The following DHX57 variants were observed in gnomAD, a reference collection of about 807,000 sequenced individuals.
The protein encoded by DHX57 is DExH-box helicase 57.
In DHX57, 105 loss-of-function variants were observed where a neutral mutation model predicts 156.2. The observed-to-expected ratio is 0.67, with a 90% CI of 0.57 to 0.79. The LOEUF (loss-of-function observed/expected upper bound fraction) is 0.79. Among genes scored for constraint, DHX57 ranks in the 30% least tolerant of loss-of-function variants. DHX57 has a pLI of 0.00. For synonymous variants in DHX57, 704 were observed against 595.6 expected (o/e 1.18, Z -2.65); for missense variants, 1,847 against 1,661.9 (o/e 1.11, Z -1.94).
intron 8 of DHX57, 158 bp from the exon 9 acceptor site, chr2:38,854,336 A>T (rs1483236521): frequency 1.6e-6 from 1 of 627,834 alleles, no homozygotes; most frequent in Non-Finnish European, 2.5e-6. Flanking sequence ...CTTGCCAGGG[A>T]CAGTAATAAA....
At chr2:38,826,720 C>A (rs774003927) in intron 14 of DHX57, 31 bp from the exon 15 acceptor site, 1 of 1,595,612 alleles carries the variant, frequency 6.3e-7, no homozygotes, top group African/African-American at 1.3e-5. Flanking sequence ...ATGAAGTATT[C>A]TAGCACCTAG....
At chr2:38,829,906 G>A (rs941803814) in intron 13 of DHX57, among the ~76,000 whole-genome samples, 9 of 152,166 alleles carry the variant, frequency 5.9e-5, no homozygotes, top group East Asian at 1.9e-4. Flanking sequence ...ATCATATCAT[G>A]TTAACAGTTT....
chr2:38,866,403 T>C (rs953224135), intron 2 of DHX57, among the ~76,000 whole-genome samples: 13 of 152,204 alleles, frequency 8.5e-5, no homozygotes, highest in Non-Finnish European at 7.3e-5. Context: ...ACTCAGAACT[T>C]CACAGCTTAT....
chr2:38,813,945 T>C (rs201931249), intron 20 of DHX57, 50 bp from the exon 21 acceptor site: 2 of 1,597,846 alleles, frequency 1.3e-6, no homozygotes, highest in Non-Finnish European at 1.7e-6. Context: ...CTATTTCTTT[T>C]TTTTCTTTTT....
At position 38,862,347 on chromosome 2, in the gene DHX57, C is replaced by T. The variant is rs1673279206; in HGVS notation, c.384-14G>A. The T allele has an allele frequency of 1.9e-6, 3 of 1,546,694 alleles. No homozygotes were observed. The African/African-American group carries it at 4.1e-5, about 21-fold the overall frequency. ...GAAAGGCCTCTTCTAGCAAAGGCAA[C>T]ATTTTCATATATTAGATATTACTTT... On this transcript the variant is annotated splice_polypyrimidine_tract_variant and intron_variant, in intron 3 of 23. Coordinates refer to ENST00000457308, the MANE Select transcript of DHX57 (RefSeq NM_198963.3).
rs187734925 is a variant in DHX57, at chr2:38,870,608, G to A, written c.-6-2197C>T. 7.9e-5 allele frequency among the ~76,000 whole-genome samples: 12 copies of A among 152,320 alleles called. No individual in the cohort carries two copies. In the East Asian group the frequency reaches 2.3e-3, roughly 29 times the overall value. On this transcript the variant is annotated intron_variant, in intron 1 of 23. Transcript: ENST00000457308. ...CAAAGAAAAAAATAGGGCTGGGCGT[G>A]GTGGCTCATGCCTGTAATTCCAGCA...
In DHX57 at chr2:38,854,074, A is replaced by G; in HGVS notation, c.2010T>C (p.Val670=). The G allele has an allele frequency of 6.2e-7, 1 of 1,613,220 alleles. No homozygotes were observed. Among genetic ancestry groups the G allele is most frequent in the Non-Finnish European group, 8.5e-7 (1 of 1,179,640 alleles). ...TTTACCTTTCTTCTGTCCTCTCATGAACTTCATCAACAATGATATGGGAAA... is the reference window on the plus strand; with the variant it reads ...TTTACCTTTCTTCTGTCCTCTCATGGACTTCATCAACAATGATATGGGAAA... ...QGVSHIIVDE[V]HERTEESDFL... is the part of the protein sequence containing the mutation. The change falls in exon 9 of 24, where the codon GTT becomes GTC. Residue 670 remains valine (V), a synonymous_variant. Transcript: ENST00000457308.
At chr2:38,822,860 T>C in intron 17 of DHX57, 133 bp downstream of exon 17, 1 of 876,420 alleles carries the variant, frequency 1.1e-6, no homozygotes, top group Non-Finnish European at 1.7e-6. Flanking sequence ...CATGCAGATG[T>C]GCCCTAAAAA....
chr2:38,803,296 C>A (rs775298119), intron 22 of DHX57, among the ~76,000 whole-genome samples: 1 of 151,722 alleles, frequency 6.6e-6, no homozygotes, highest in Non-Finnish European at 1.5e-5. Context: ...ATTCTTGATT[C>A]TTCTTCCTTG....
intron 16 of DHX57, among the ~76,000 whole-genome samples, chr2:38,825,065 A>T (rs1453908115): frequency 6.6e-6 from 1 of 151,658 alleles, no homozygotes. Context: ...TTCTCATTTT[A>T]AAAAAAAACA....
intron 1 of DHX57, among the ~76,000 whole-genome samples, chr2:38,869,730 GT>G (rs1293737175): frequency 2.6e-5 from 4 of 152,196 alleles, no homozygotes; most frequent in Non-Finnish European, 2.9e-5. Context: ...GGGAGAATCA[GT>G]ACCCAGAGTT....
Position 38,860,993 on chromosome 2 carries a change from A to T in DHX57, c.1411+6T>A. The T allele has an allele frequency of 6.2e-7, 1 of 1,609,746 alleles. No individual in the cohort carries two copies. The highest frequency in any genetic ancestry group is 8.5e-7 in the Non-Finnish European group (1 of 1,176,966). Reference sequence around the variant, plus strand: ...CCTCCCTCCACAAGATCAATGCCTTACATACCTTCTGGAATTTGATTAGAA... The same window carrying T: ...CCTCCCTCCACAAGATCAATGCCTTTCATACCTTCTGGAATTTGATTAGAA... On this transcript the variant is annotated splice_donor_region_variant and intron_variant, in intron 5 of 23. Coordinates refer to ENST00000457308, the MANE Select transcript of DHX57 (RefSeq NM_198963.3).
intron 21 of DHX57, among the ~76,000 whole-genome samples, chr2:38,809,108 T>C (rs1041618418): frequency 1.3e-5 from 2 of 152,178 alleles, no homozygotes; most frequent in Admixed American, 6.6e-5. Flanking sequence ...ATTATAATTT[T>C]TAAAAAGTTT....
chr2:38,867,657 C>G (rs944580684), intron 2 of DHX57, among the ~76,000 whole-genome samples: 46 of 152,302 alleles, frequency 3.0e-4, no homozygotes, highest in African/African-American at 9.9e-4. Context: ...CTCCTGGGTT[C>G]AAGCAATTCT....
intron 16 of DHX57, among the ~76,000 whole-genome samples, chr2:38,823,581 C>T (rs76912283): frequency 1.3e-5 from 2 of 152,158 alleles, no homozygotes; most frequent in African/African-American, 4.8e-5. Context: ...GAACCCTGCA[C>T]GTTGTTGGTG....
At chr2:38,815,414 A>C (rs866424829) in intron 20 of DHX57, 107 bp downstream of exon 20, 116 of 1,421,232 alleles carry the variant, frequency 8.2e-5, no homozygotes, top group Middle Eastern at 3.6e-4. Flanking sequence ...CCATTAACCC[A>C]CTGCTCAAAG....
intron 9 of DHX57, 113 bp from the exon 10 acceptor site, chr2:38,848,515 A>C (rs77249888): frequency 8.9e-7 from 1 of 1,118,038 alleles, no homozygotes. Context: ...AAAAAAAAAA[A>C]CCATTAACGT....
At chr2:38,830,875 C>T (rs1393401965) in intron 13 of DHX57, among the ~76,000 whole-genome samples, 1 of 152,008 alleles carries the variant, frequency 6.6e-6, no homozygotes, top group Non-Finnish European at 1.5e-5. Flanking sequence ...GGGAAGACTG[C>T]TTGAGCCTAG....
At chr2:38,869,571 C>A (rs1308411794) in intron 1 of DHX57, among the ~76,000 whole-genome samples, 1 of 152,208 alleles carries the variant, frequency 6.6e-6, no homozygotes, top group Non-Finnish European at 1.5e-5. Context: ...AACAATTCAG[C>A]AATCAACCAT....
Sources: allele counts gnomAD v4.1 joint callset (sites outside exome capture counted in the v4.1 genomes callset), GRCh38; gene constraint gnomAD v4.1.1; transcripts MANE v1.5; gene names NCBI Gene and HGNC (gene_info 2026-07-23, HGNC 2026-07-21).